Variants in AUTS2 observed in about 807,000 individuals in gnomAD.
The protein encoded by AUTS2 is activator of transcription and developmental regulator AUTS2.
Under a neutral mutation model 112.4 loss-of-function variants are expected in AUTS2, and 17 were observed. That is an observed-to-expected ratio of 0.15 (90% CI 0.10 to 0.23). The LOEUF (loss-of-function observed/expected upper bound fraction) is 0.23. Among genes scored for constraint, AUTS2 ranks in the 10% least tolerant of loss-of-function variants. AUTS2 has a pLI of 1.00. For missense variants in AUTS2, 1,510 were observed against 1,701.6 expected (o/e 0.89, Z 1.98); for synonymous variants, 751 against 702.7 (o/e 1.07, Z -1.09).
chr7:70,056,048 C>T (rs1396804990), intron 2 of AUTS2, among the ~76,000 whole-genome samples: 1 of 151,902 alleles, frequency 6.6e-6, no homozygotes, highest in African/African-American at 2.4e-5. Flanking sequence ...AGTGCAGTGG[C>T]GTCATCTTGG....
intron 2 of AUTS2, among the ~76,000 whole-genome samples, chr7:69,914,358 C>CACACACACACAG (rs1215936934): frequency 1.9e-3 from 184 of 98,020 alleles, no homozygotes; most frequent in African/African-American, 6.6e-3. Context: ...CACACACAGA[C>CACACACACACAG]ACACACACAC....
intron 1 of AUTS2, among the ~76,000 whole-genome samples, chr7:69,647,046 C>T (rs1795056032): frequency 6.6e-6 from 1 of 152,194 alleles, no homozygotes; most frequent in Non-Finnish European, 1.5e-5. Flanking sequence ...CGAGATGGCG[C>T]CACTGCACTC....
chr7:70,409,809 G>A (rs1320222782), intron 4 of AUTS2, among the ~76,000 whole-genome samples: 1 of 152,186 alleles, frequency 6.6e-6, no homozygotes, highest in East Asian at 1.9e-4. Flanking sequence ...GCTTAGGACT[G>A]TAAATATTGG....
chr7:69,767,351 A>G (rs1027890355), intron 1 of AUTS2, among the ~76,000 whole-genome samples: 13 of 151,244 alleles, frequency 8.6e-5, no homozygotes, highest in Admixed American at 2.0e-4. Flanking sequence ...TAATTTTTCT[A>G]TTTTTTGTAG....
chr7:70,434,025 T>G (rs1795787298), intron 4 of AUTS2, among the ~76,000 whole-genome samples: 1 of 152,192 alleles, frequency 6.6e-6, no homozygotes, highest in Admixed American at 6.5e-5. Flanking sequence ...TCCCACTCTG[T>G]TGTTTTTGTA....
At chr7:70,298,409 C>T (rs1789046817) in intron 4 of AUTS2, among the ~76,000 whole-genome samples, 1 of 152,146 alleles carries the variant, frequency 6.6e-6, no homozygotes, top group African/African-American at 2.4e-5. Context: ...TGACTTTCCT[C>T]AAGGTCAGTC....
chr7:69,848,480 GTGTGCGTGTGTGTT>G (rs1423750353), intron 1 of AUTS2, among the ~76,000 whole-genome samples: 1 of 152,194 alleles, frequency 6.6e-6, no homozygotes, highest in Non-Finnish European at 1.5e-5. Flanking sequence ...AAACAAGGGT[GTGTGCGTGTGTGTT>G]TGTGTGTGTG....
intron 6 of AUTS2, among the ~76,000 whole-genome samples, chr7:70,757,519 A>G (rs1009901411): frequency 6.6e-6 from 1 of 152,168 alleles, no homozygotes; most frequent in Non-Finnish European, 1.5e-5. Flanking sequence ...TGTGAAACAG[A>G]TACCTTTTGG....
Position 69,598,898 on chromosome 7 carries a change from T to C in AUTS2, c.-756T>C. ...TCCAGCAGCATCCTCCTTCCCTTCC[T>C]CCGCCTCCCTTCTCCTCCGCCGCTC... On this transcript the variant is annotated 5_prime_UTR_variant, in exon 1 of 19. Coordinates refer to ENST00000342771, the MANE Select transcript of AUTS2 (RefSeq NM_015570.4). 6.5e-6 allele frequency: 1 copy of C among 154,190 alleles called. No homozygotes were observed. The highest frequency in any genetic ancestry group is 2.1e-4 in the South Asian group (1 of 4,852). 9.6% of individuals were successfully genotyped at this position (154,190 alleles called of 1,614,324 possible).
At chr7:70,773,126 TGTTA>T (rs1443672014) in intron 11 of AUTS2, among the ~76,000 whole-genome samples, 1 of 152,194 alleles carries the variant, frequency 6.6e-6, no homozygotes, top group Non-Finnish European at 1.5e-5. Context: ...CCAGCTTAAT[TGTTA>T]GTTGTACTGC....
chr7:70,689,242 T>C (rs1563129219), intron 5 of AUTS2, among the ~76,000 whole-genome samples: 1 of 151,868 alleles, frequency 6.6e-6, no homozygotes, highest in African/African-American at 2.4e-5. Flanking sequence ...ACACCTGTGG[T>C]CCCAGCTACT....
At chr7:69,667,360 T>G (rs1423681074) in intron 1 of AUTS2, among the ~76,000 whole-genome samples, 2 of 150,630 alleles carry the variant, frequency 1.3e-5, no homozygotes, top group Non-Finnish European at 1.5e-5. Context: ...GTTTTTTTTT[T>G]TTTTTTTTTT....
intron 1 of AUTS2, among the ~76,000 whole-genome samples, chr7:69,725,391 A>T (rs1243927903): frequency 6.6e-6 from 1 of 152,144 alleles, no homozygotes; most frequent in Admixed American, 6.6e-5. Context: ...CATAGTCTAT[A>T]TGTGTTAGAG....
intron 1 of AUTS2, among the ~76,000 whole-genome samples, chr7:69,829,623 C>T (rs1018467518): frequency 6.6e-6 from 1 of 152,114 alleles, no homozygotes; most frequent in Admixed American, 6.6e-5. Context: ...GGCCAAAAAA[C>T]ATATGAAAAA....
chr7:70,742,876 C>T (rs1380162414), intron 6 of AUTS2, among the ~76,000 whole-genome samples: 1 of 152,128 alleles, frequency 6.6e-6, no homozygotes, highest in Non-Finnish European at 1.5e-5. Context: ...GAAAGGACCA[C>T]AGATATCAGG....
At chr7:69,989,823 A>T (rs1256739371) in intron 2 of AUTS2, among the ~76,000 whole-genome samples, 1 of 152,144 alleles carries the variant, frequency 6.6e-6, no homozygotes, top group Non-Finnish European at 1.5e-5. Flanking sequence ...AACAAACATT[A>T]AGGCCTGAGC....
chr7:70,668,741 G>A (rs961399924), intron 5 of AUTS2, among the ~76,000 whole-genome samples: 8 of 152,210 alleles, frequency 5.3e-5, no homozygotes, highest in Admixed American at 2.0e-4. Flanking sequence ...GGCCAGTCTG[G>A]GTGAACGCAT....
chr7:70,353,231 G>C (rs1423841271), intron 4 of AUTS2, among the ~76,000 whole-genome samples: 1 of 152,136 alleles, frequency 6.6e-6, no homozygotes, highest in Admixed American at 6.5e-5. Context: ...AGCTTAGCTT[G>C]CATAGGACTC....
chr7:70,483,524 A>G (rs1396612374), intron 5 of AUTS2, among the ~76,000 whole-genome samples: 2 of 152,194 alleles, frequency 1.3e-5, no homozygotes, highest in African/African-American at 4.8e-5. Context: ...ACTGAGTGGC[A>G]TGGTGGTGAG....
Sources: allele counts gnomAD v4.1 joint callset (sites outside exome capture counted in the v4.1 genomes callset), GRCh38; gene constraint gnomAD v4.1.1; transcripts MANE v1.5; gene names NCBI Gene and HGNC (gene_info 2026-07-23, HGNC 2026-07-21).